Variants in DENND5B observed in about 807,000 individuals in gnomAD.
The protein encoded by DENND5B is DENN domain containing 5B.
In DENND5B, 34 loss-of-function variants were observed where a neutral mutation model predicts 140.6. The ratio of observed to expected loss-of-function variants is 0.24; its 90% CI spans 0.18 to 0.32. The LOEUF (loss-of-function observed/expected upper bound fraction) is 0.32, where lower values mean the gene tolerates loss of function less well. Among genes scored for constraint, DENND5B ranks in the 10% least tolerant of loss-of-function variants. The pLI is 1.00. For synonymous variants in DENND5B, 551 were observed against 562.1 expected (o/e 0.98, Z 0.28); for missense variants, 1,142 against 1,560.2 (o/e 0.73, Z 4.52).
At chr12:31,470,111 C>T (rs572729007) in intron 3 of DENND5B, among the ~76,000 whole-genome samples, 9 of 105,940 alleles carry the variant, frequency 8.5e-5, no homozygotes, top group East Asian at 3.0e-4. Flanking sequence ...CCATGTCTGG[C>T]TTTTTTTTTT....
intron 8 of DENND5B, among the ~76,000 whole-genome samples, chr12:31,428,445 A>C (rs985023666): frequency 2.0e-5 from 3 of 152,134 alleles, no homozygotes; most frequent in African/African-American, 7.2e-5. Context: ...TCTGTCACCC[A>C]GGCTGAACAG....
At chr12:31,549,284 A>G (rs1948960793) in intron 1 of DENND5B, among the ~76,000 whole-genome samples, 1 of 152,184 alleles carries the variant, frequency 6.6e-6, no homozygotes, top group South Asian at 2.1e-4. Context: ...AGCAATGATA[A>G]CCAAGTCTTC....
chr12:31,555,465 C>CT (rs1202471336), intron 1 of DENND5B, among the ~76,000 whole-genome samples: 1 of 152,206 alleles, frequency 6.6e-6, no homozygotes, highest in African/African-American at 2.4e-5. Flanking sequence ...TCCACCCCTA[C>CT]TGGGGGGTGC....
At chr12:31,404,331 C>T (rs2137445892) in intron 14 of DENND5B, among the ~76,000 whole-genome samples, 1 of 152,324 alleles carries the variant, frequency 6.6e-6, no homozygotes, top group East Asian at 1.9e-4. Flanking sequence ...GGATGTAGCT[C>T]TGTCGCCCAG....
At chr12:31,390,727 C>G (rs189802520) in intron 19 of DENND5B, among the ~76,000 whole-genome samples, 3 of 148,182 alleles carry the variant, frequency 2.0e-5, no homozygotes, top group Admixed American at 1.4e-4. Context: ...CTAGAGGAAT[C>G]CTTTTACAAA....
chr12:31,513,026 A>C (rs1947487720), intron 1 of DENND5B, among the ~76,000 whole-genome samples: 1 of 152,160 alleles, frequency 6.6e-6, no homozygotes, highest in African/African-American at 2.4e-5. Context: ...AGCCTCCCTA[A>C]GTTCCTCTTG....
rs1450328571 is a variant in DENND5B at position 31,383,080 on chromosome 12, G to C, written c.*4523C>G. On this transcript the variant is annotated 3_prime_UTR_variant, in exon 21 of 21. Coordinates refer to ENST00000389082, the MANE Select transcript of DENND5B (RefSeq NM_144973.4). ...GGGCTCAAGACTCTCAATCAGTGAA[G>C]GTGTGTTAATACTGAAATATAAATA... 1.3e-5 allele frequency: 2 copies of C among 152,066 alleles called. No homozygotes were observed. The highest frequency in any genetic ancestry group is 2.9e-5 in the Non-Finnish European group (2 of 67,982). 9.4% of individuals were successfully genotyped at this position (152,066 alleles called of 1,614,324 possible).
chr12:31,566,975 G>GC (rs1450576216), intron 1 of DENND5B, among the ~76,000 whole-genome samples: 2 of 152,162 alleles, frequency 1.3e-5, no homozygotes, highest in Non-Finnish European at 2.9e-5. Context: ...AGAACCCAGT[G>GC]CAAGCACTTG....
At chr12:31,495,125 AAT>A (rs768224429) in intron 2 of DENND5B, among the ~76,000 whole-genome samples, 1 of 152,174 alleles carries the variant, frequency 6.6e-6, no homozygotes, top group Non-Finnish European at 1.5e-5. Flanking sequence ...CCTACCATAC[AAT>A]ATTCCTTGAA....
chr12:31,459,445 A>G (rs1281235092), intron 4 of DENND5B, among the ~76,000 whole-genome samples: 1 of 152,112 alleles, frequency 6.6e-6, no homozygotes, highest in Non-Finnish European at 1.5e-5. Context: ...GTGTGCCACC[A>G]TGCCTGGCTA....
intron 1 of DENND5B, among the ~76,000 whole-genome samples, chr12:31,551,662 C>G (rs1034908294): frequency 1.3e-4 from 20 of 152,056 alleles, no homozygotes; most frequent in Non-Finnish European, 2.1e-4. Context: ...GGCAGTATGG[C>G]CATTTTCACG....
intron 1 of DENND5B, among the ~76,000 whole-genome samples, chr12:31,515,192 C>G (rs193113073): frequency 1.4e-3 from 218 of 152,174 alleles, no homozygotes; most frequent in African/African-American, 5.2e-3. Context: ...GCAGTCCGAG[C>G]TATTTGGGAT....
intron 1 of DENND5B, among the ~76,000 whole-genome samples, chr12:31,548,813 T>C (rs534173280): frequency 1.3e-5 from 2 of 152,320 alleles, no homozygotes; most frequent in African/African-American, 2.4e-5. Context: ...AGTCCCCATA[T>C]GCAGAGAATA....
At chr12:31,566,414 T>C (rs1021359512) in intron 1 of DENND5B, among the ~76,000 whole-genome samples, 8 of 150,770 alleles carry the variant, frequency 5.3e-5, no homozygotes. Context: ...ATTAAGAGAT[T>C]AAAAGGCAAC....
At chr12:31,522,536 T>G (rs1382726810) in intron 1 of DENND5B, among the ~76,000 whole-genome samples, 1 of 152,180 alleles carries the variant, frequency 6.6e-6, no homozygotes, top group African/African-American at 2.4e-5. Flanking sequence ...CTCTGCCTCC[T>G]GGGCTCAAGC....
At chr12:31,486,055 A>C (rs1244414374) in intron 2 of DENND5B, among the ~76,000 whole-genome samples, 1 of 152,232 alleles carries the variant, frequency 6.6e-6, no homozygotes, top group African/African-American at 2.4e-5. Context: ...CTTTAAATCA[A>C]GGGTCAGCAA....
rs367621027 is a variant in DENND5B, at chr12:31,529,308, C to G, written c.128-33389G>C. 7.6e-4 allele frequency among the ~76,000 whole-genome samples: 115 copies of G among 152,236 alleles called. 1 individual carries two copies. In the South Asian group the frequency reaches 0.023, roughly 31 times the overall value. On this transcript the variant is annotated intron_variant, in intron 1 of 20. Transcript: ENST00000389082. ...AGAAAATCTTATAACCTCAGTCATC[C>G]TAAGATTGGATGGACCCAGCAGTTC...
intron 2 of DENND5B, among the ~76,000 whole-genome samples, chr12:31,487,129 A>T (rs748514450): frequency 6.6e-6 from 1 of 152,228 alleles, no homozygotes; most frequent in African/African-American, 2.4e-5. Flanking sequence ...TTCATATTTC[A>T]TATCATTGAA....
intron 1 of DENND5B, among the ~76,000 whole-genome samples, chr12:31,542,035 C>G (rs1183505432): frequency 6.6e-6 from 1 of 152,172 alleles, no homozygotes; most frequent in Admixed American, 6.5e-5. Context: ...CGCCTGTAAT[C>G]CCAGCACTTT....
Sources: allele counts gnomAD v4.1 joint callset (sites outside exome capture counted in the v4.1 genomes callset), GRCh38; gene constraint gnomAD v4.1.1; transcripts MANE v1.5; gene names NCBI Gene and HGNC (gene_info 2026-07-23, HGNC 2026-07-21).